Variants in ABCC8 observed in about 807,000 individuals in gnomAD.
ABCC8 encodes ATP binding cassette subfamily C member 8.
ABCC8 carries 137 observed loss-of-function variants against 188.0 expected under a neutral mutation model. The observed-to-expected ratio is 0.73, with a 90% CI of 0.63 to 0.84. The LOEUF (loss-of-function observed/expected upper bound fraction) is 0.84, where lower values mean the gene tolerates loss of function less well. Ranked by LOEUF, ABCC8 falls within the 40% of genes least tolerant of loss-of-function variation. ABCC8 has a pLI of 0.00. For missense variants in ABCC8, 1,750 were observed against 2,072.7 expected (o/e 0.84, Z 3.02); for synonymous variants, 797 against 846.5 (o/e 0.94, Z 1.01).
At chr11:17,418,695 G>C (rs759015610) in intron 16 of ABCC8, among the ~76,000 whole-genome samples, 2 of 152,140 alleles carry the variant, frequency 1.3e-5, no homozygotes, top group African/African-American at 2.4e-5. Context: ...CCCTAACTCA[G>C]TTTGCAACAT....
chr11:17,430,479 G>T (rs970536043), intron 12 of ABCC8: 4 of 384,404 alleles, frequency 1.0e-5, no homozygotes, highest in Non-Finnish European at 2.0e-5. Flanking sequence ...CATTCTTGGT[G>T]GCTCTGGAGG....
At chr11:17,458,360 A>G (rs556867417) in intron 6 of ABCC8, among the ~76,000 whole-genome samples, 2 of 152,376 alleles carry the variant, frequency 1.3e-5, no homozygotes, top group Admixed American at 6.5e-5. Flanking sequence ...AACGGCAATG[A>G]TAACGTTCAG....
chr11:17,408,541 G>A lies in ABCC8; in HGVS notation c.2695-24C>T, dbSNP rs1954649841. ...ATCTGGAAAGGCAGCAACAAACGTGGTTTGGGGGCTGGCTGGGGAGGAATG... is the reference window on the plus strand; with the variant it reads ...ATCTGGAAAGGCAGCAACAAACGTGATTTGGGGGCTGGCTGGGGAGGAATG... On this transcript the variant is annotated intron_variant, in intron 22 of 38. Coordinates refer to ENST00000389817, the MANE Select transcript of ABCC8 (RefSeq NM_000352.6). The A allele has an allele frequency of 2.5e-6, 4 of 1,602,746 alleles. No homozygotes were observed. The East Asian group carries it at 8.9e-5, about 36-fold the overall frequency.
intron 2 of ABCC8, 76 bp downstream of exon 2, chr11:17,474,810 G>C (rs975743248): frequency 6.7e-7 from 1 of 1,482,392 alleles, no homozygotes; most frequent in Non-Finnish European, 9.4e-7. Flanking sequence ...ATATAGGTGA[G>C]CTAGGATCTC....
intron 11 of ABCC8, chr11:17,431,175 C>T: frequency 1.4e-6 from 1 of 710,258 alleles, no homozygotes; most frequent in Non-Finnish European, 2.3e-6. Flanking sequence ...AGGGGCTGCT[C>T]CCTCCCTGTC....
At position 17,405,072 on chromosome 11, in the gene ABCC8, C is replaced by T. The variant is rs570228286; in HGVS notation, c.3400-403G>A. ...GAGCCACTGAGCCCGGCCTTGCTCT[C>T]CCTTTATTATAGGCACGTATCTCAT... On this transcript the variant is annotated intron_variant, in intron 27 of 38. Transcript: ENST00000389817. 2.6e-5 allele frequency among the ~76,000 whole-genome samples: 4 copies of T among 152,288 alleles called. No individual in the cohort carries two copies. The South Asian group carries it at 8.3e-4, about 32-fold the overall frequency.
intron 18 of ABCC8, among the ~76,000 whole-genome samples, chr11:17,414,856 G>A (rs1954990222): frequency 6.6e-6 from 1 of 152,128 alleles, no homozygotes; most frequent in East Asian, 1.9e-4. Context: ...GCCTGCCCCA[G>A]CCCTGCAGTC....
intron 10 of ABCC8, among the ~76,000 whole-genome samples, chr11:17,439,415 G>A (rs1398938592): frequency 2.0e-5 from 3 of 152,098 alleles, no homozygotes; most frequent in Non-Finnish European, 4.4e-5. Flanking sequence ...CCTCTGCAGC[G>A]TCAGGACTCC....
At chr11:17,397,910 C>A in intron 30 of ABCC8, 113 bp from the exon 31 acceptor site, 1 of 1,529,060 alleles carries the variant, frequency 6.5e-7, no homozygotes, top group Non-Finnish European at 8.8e-7. Flanking sequence ...CCACTCCAGC[C>A]CTGCAACTCA....
In ABCC8 at chr11:17,410,853, A is replaced by G. The variant is rs1251453346; in HGVS notation, c.2557-200T>C. 2.4e-5 allele frequency: 8 copies of G among 333,790 alleles called. No individual in the cohort carries two copies. The East Asian group carries it at 1.3e-3, about 56-fold the overall frequency. 20.7% of individuals were successfully genotyped at this position (333,790 alleles called of 1,614,324 possible). A position where few individuals can be genotyped will look rare whatever the true frequency, so the allele number is the denominator to read the frequency against. On this transcript the variant is annotated intron_variant, in intron 21 of 38. Transcript: ENST00000389817. ...TAAAATGGGGCAGTTGTCAGATATC[A>G]CTCTCAAACAGATCTAATCACTTCA...
At chr11:17,450,318 C>G (rs1171560281) in intron 7 of ABCC8, among the ~76,000 whole-genome samples, 2 of 114,054 alleles carry the variant, frequency 1.8e-5, no homozygotes, top group Non-Finnish European at 3.6e-5. Flanking sequence ...TTCTTTCTTT[C>G]TTTCTTTCTC....
Position 17,428,658 on chromosome 11 carries a change from T to C in ABCC8, c.1830A>G (p.Leu610=), listed in dbSNP as rs150839950. ...TCTCTGCACTGGACAGGAACTCGCTTAGCTTTTGCACGCTGCTCGGGAAGC... is the reference window on the plus strand; with the variant it reads ...TCTCTGCACTGGACAGGAACTCGCTCAGCTTTTGCACGCTGCTCGGGAAGC... ...TVKALVSVQK[L]SEFLSSAEIR... is the part of the protein sequence containing the mutation. The change falls in exon 13 of 39, where the codon CTA becomes CTG. Residue 610 remains leucine (L), a synonymous_variant. Transcript: ENST00000389817. 1.2e-6 allele frequency: 2 copies of C among 1,613,372 alleles called. No individual in the cohort carries two copies. Among genetic ancestry groups the C allele is most frequent in the African/African-American group, 2.7e-5 (2 of 74,922 alleles).
chr11:17,469,608 T>G (rs1401663759), intron 3 of ABCC8, among the ~76,000 whole-genome samples: 1 of 151,932 alleles, frequency 6.6e-6, no homozygotes, highest in Middle Eastern at 3.2e-3. Flanking sequence ...TCACCCAGGC[T>G]CTCAGGCCCA....
intron 16 of ABCC8, among the ~76,000 whole-genome samples, chr11:17,419,665 C>A (rs550532148): frequency 2.0e-5 from 3 of 152,232 alleles, no homozygotes; most frequent in Admixed American, 6.5e-5. Context: ...AGGAAGAAAT[C>A]TGAGAAAATG....
chr11:17,434,755 A>T (rs1189364136), intron 10 of ABCC8, among the ~76,000 whole-genome samples: 2 of 152,192 alleles, frequency 1.3e-5, no homozygotes, highest in African/African-American at 4.8e-5. Context: ...GACAAGCTAT[A>T]AATAAATTTA....
intron 17 of ABCC8, 179 bp from the exon 18 acceptor site, chr11:17,415,518 A>G (rs1008653985): frequency 1.1e-6 from 1 of 917,944 alleles, no homozygotes; most frequent in South Asian, 5.0e-5. Flanking sequence ...ATCTTGGGGA[A>G]GCCTCTGCTG....
downstream of ABCC8, chr11:17,392,696 G>T (rs1953692405): frequency 2.2e-6 from 1 of 446,810 alleles, no homozygotes; most frequent in Non-Finnish European, 4.2e-6. Flanking sequence ...TGAGAAAAAA[G>T]TCTGTTTTAA....
rs58329874 is a variant in ABCC8, at chr11:17,446,185, C to T, written c.1332+2331G>A. 2.8e-3 allele frequency among the ~76,000 whole-genome samples: 428 copies of T among 152,080 alleles called. 2 individuals carry two copies. The highest frequency in any genetic ancestry group is 1.0e-2 in the African/African-American group (414 of 41,478). ...TTCACCATATTGGTCAGGCTGGTCTCGAACTCCTGACCTCAGGTGAACCAT... is the reference window on the plus strand; with the variant it reads ...TTCACCATATTGGTCAGGCTGGTCTTGAACTCCTGACCTCAGGTGAACCAT... On this transcript the variant is annotated intron_variant, in intron 8 of 38. Transcript: ENST00000389817.
At chr11:17,451,559 CT>C (rs573827346) in intron 7 of ABCC8, among the ~76,000 whole-genome samples, 154 of 152,360 alleles carry the variant, frequency 1.0e-3, no homozygotes, top group African/African-American at 3.6e-3. Flanking sequence ...AAGCTATATC[CT>C]TGTCCTCTCG....
Sources: gnomAD v4.1 joint callset for allele counts (sites outside exome capture counted in the v4.1 genomes callset) on GRCh38, gnomAD v4.1.1 for gene constraint, MANE v1.5 for transcripts, NCBI Gene and HGNC (gene_info 2026-07-23, HGNC 2026-07-21) for gene names.